Variants in GATAD2A observed in about 807,000 individuals in gnomAD.
GATAD2A encodes the protein transcriptional repressor p66-alpha.
In GATAD2A, 12 loss-of-function variants were observed where a neutral mutation model predicts 68.5. The observed-to-expected ratio is 0.18, with a 90% CI of 0.11 to 0.28. GATAD2A has a LOEUF of 0.28. Among genes scored for constraint, GATAD2A ranks in the 10% least tolerant of loss-of-function variants. The pLI is 1.00. For synonymous variants in GATAD2A, 410 were observed against 375.3 expected, an observed-to-expected ratio of 1.09 and a Z score of -1.07; for missense variants, 755 against 868.5, an observed-to-expected ratio of 0.87 and a Z score of 1.64.
chr19:19,437,285 C>T (rs1353814718), intron 1 of GATAD2A, among the ~76,000 whole-genome samples: 1 of 152,142 alleles, frequency 6.6e-6, no homozygotes, highest in Non-Finnish European at 1.5e-5. Flanking sequence ...CGTGTGCAAC[C>T]ACACCCAGCT....
intron 1 of GATAD2A, among the ~76,000 whole-genome samples, chr19:19,430,647 A>G (rs2053617294): frequency 6.6e-6 from 1 of 152,064 alleles, no homozygotes; most frequent in African/African-American, 2.4e-5. Context: ...GGGGCTTCCT[A>G]GGGGCACCTG....
At chr19:19,458,003 A>G (rs2057092558) in intron 1 of GATAD2A, among the ~76,000 whole-genome samples, 1 of 152,138 alleles carries the variant, frequency 6.6e-6, no homozygotes, top group Admixed American at 6.5e-5. Flanking sequence ...CAGGGAGACG[A>G]TCTCTCAGTT....
intron 1 of GATAD2A, among the ~76,000 whole-genome samples, chr19:19,442,675 C>T (rs1949735459): frequency 6.6e-6 from 1 of 151,666 alleles, no homozygotes. Context: ...TTATACGCAC[C>T]TGCCATCCTA....
rs368987625 is a variant in GATAD2A at position 19,501,954 on chromosome 19, C to T, written c.1504-15C>T. 30 of 1,611,752 alleles carry T rather than the reference C, an allele frequency of 1.9e-5. No homozygotes were observed. Among genetic ancestry groups the T allele is most frequent in the Middle Eastern group, 1.7e-4 (1 of 6,056 alleles). ...CGGACCGCACTGACTTTGCTTTCAA[C>T]CCCCGTTTGTGTAGGTCATAAAACC... On this transcript the variant is annotated splice_polypyrimidine_tract_variant and intron_variant, in intron 9 of 11. Transcript: ENST00000683918.
chr19:19,436,744 T>A (rs1441437569), intron 1 of GATAD2A, among the ~76,000 whole-genome samples: 3 of 152,222 alleles, frequency 2.0e-5, no homozygotes, highest in African/African-American at 7.2e-5. Context: ...CCTTGGATTT[T>A]CTCTGTTACC....
chr19:19,500,223 C>CA (rs2060436931), intron 8 of GATAD2A, among the ~76,000 whole-genome samples: 1 of 152,228 alleles, frequency 6.6e-6, no homozygotes, highest in African/African-American at 2.4e-5. Context: ...TGGCGCCGCT[C>CA]ACGCTGGCCA....
chr19:19,451,747 C>T (rs2056409791), intron 1 of GATAD2A, among the ~76,000 whole-genome samples: 1 of 152,202 alleles, frequency 6.6e-6, no homozygotes, highest in Non-Finnish European at 1.5e-5. Flanking sequence ...TTGTGGTTTT[C>T]CATATTCTTG....
rs766602148 is a variant in GATAD2A at position 19,501,389 on chromosome 19, C to T, written c.1476C>T (p.Thr492=). ...TAPAQAKAEP[T]AAPHPVLKQV... The stretch of plus-strand genomic sequence containing the variant: ...CTGCACAGGCCAAGGCCGAGCCCAC[C>T]GCTGCCCCACACCCCGTGCTGAAGC... The change falls in exon 9 of 12, where the codon ACC becomes ACT. Residue 492 remains threonine (T), a synonymous_variant. Transcript: ENST00000683918. 5.4e-5 allele frequency: 86 copies of T among 1,605,016 alleles called. No individual in the cohort carries two copies. In the Middle Eastern group the frequency reaches 1.0e-3, roughly 19 times the overall value.
At chr19:19,472,252 A>T (rs912479047) in intron 2 of GATAD2A, among the ~76,000 whole-genome samples, 2 of 151,966 alleles carry the variant, frequency 1.3e-5, no homozygotes, top group African/African-American at 4.8e-5. Flanking sequence ...ACTTTCCTGT[A>T]GGGGAGAGTC....
intron 2 of GATAD2A, among the ~76,000 whole-genome samples, chr19:19,482,218 A>C (rs1030624283): frequency 1.3e-5 from 2 of 152,110 alleles, no homozygotes; most frequent in African/African-American, 4.8e-5. Context: ...AGCCTGACCA[A>C]CGTGGTGAAA....
Position 19,449,990 on chromosome 19 carries a change from A to G in GATAD2A, c.-6-15350A>G, listed in dbSNP as rs2056198482. On this transcript the variant is annotated intron_variant, in intron 1 of 11. Coordinates refer to ENST00000683918, the MANE Select transcript of GATAD2A (RefSeq NM_001384528.1). ...TTTTTTGTAGAGTCAGGGTCTTGCT[A>G]TGTTGCCCAGGCTGGTCTTGAGCTC... is the stretch of plus-strand genomic sequence containing the variant. Among the ~76,000 whole-genome samples, 3 of 149,930 alleles carry G rather than the reference A, an allele frequency of 2.0e-5. No individual in the cohort carries two copies. The South Asian group carries it at 6.2e-4, about 31-fold the overall frequency.
chr19:19,463,504 A>G (rs958370198), intron 1 of GATAD2A, among the ~76,000 whole-genome samples: 2 of 147,100 alleles, frequency 1.4e-5, no homozygotes, highest in Non-Finnish European at 3.0e-5. Context: ...GCAGCTGAGC[A>G]GGAGCGGGGG....
At chr19:19,404,184 A>T (rs1376649489), upstream of GATAD2A, among the ~76,000 whole-genome samples, 1 of 151,950 alleles carries the variant, frequency 6.6e-6, no homozygotes, top group Non-Finnish European at 1.5e-5. Flanking sequence ...AAAGTTGACA[A>T]TTGTATGTAG....
At chr19:19,504,590 C>T (rs1157164976) in intron 11 of GATAD2A, among the ~76,000 whole-genome samples, 2 of 151,502 alleles carry the variant, frequency 1.3e-5, no homozygotes, top group Non-Finnish European at 2.9e-5. Context: ...GAGTTTGAGA[C>T]CAGTAAACAA....
chr19:19,435,199 C>G (rs746623676), intron 1 of GATAD2A: 1 of 493,620 alleles, frequency 2.0e-6, no homozygotes, highest in African/African-American at 2.0e-5. Flanking sequence ...GGAACATACT[C>G]CTAAGTACCT....
chr19:19,442,916 C>G (rs1000142064), intron 1 of GATAD2A, among the ~76,000 whole-genome samples: 27 of 152,040 alleles, frequency 1.8e-4, no homozygotes, highest in African/African-American at 6.5e-4. Flanking sequence ...TTTCCTGCAT[C>G]TTCTCTGTGG....
intron 1 of GATAD2A, among the ~76,000 whole-genome samples, chr19:19,398,169 C>T (rs764850394): frequency 7.9e-5 from 12 of 151,388 alleles, no homozygotes; most frequent in Non-Finnish European, 1.8e-4. Flanking sequence ...TCCCAAAGTG[C>T]AGGGATTACA....
In GATAD2A at chr19:19,498,490, C is replaced by T. The variant is rs531948972; in HGVS notation, c.972C>T (p.Ala324=). The T allele has an allele frequency of 2.0e-5, 32 of 1,613,628 alleles. No homozygotes were observed. The East Asian group carries it at 6.0e-4, about 30-fold the overall frequency. Residue 324 remains alanine (A), a synonymous_variant, in exon 8 of 12, where the codon GCC becomes GCT. Coordinates refer to ENST00000683918, the MANE Select transcript of GATAD2A (RefSeq NM_001384528.1). ...LKGTTATSAQ[A]NSTPTSVASV... ...GGACAACAGCCACCTCCGCTCAGGCCAACTCCACCCCCACTAGTGTGGCCT... is the reference window on the plus strand; with the variant it reads ...GGACAACAGCCACCTCCGCTCAGGCTAACTCCACCCCCACTAGTGTGGCCT...
chr19:19,478,105 T>C (rs1194381222), intron 2 of GATAD2A, among the ~76,000 whole-genome samples: 1 of 152,182 alleles, frequency 6.6e-6, no homozygotes, highest in African/African-American at 2.4e-5. Context: ...AATACAACTT[T>C]GGCAGCAAAA....
Sources: allele counts gnomAD v4.1 joint callset (sites outside exome capture counted in the v4.1 genomes callset), GRCh38; gene constraint gnomAD v4.1.1; transcripts MANE v1.5; gene names NCBI Gene and HGNC (gene_info 2026-07-23, HGNC 2026-07-21).